RIGI: variants seen among roughly 807,000 people sequenced by gnomAD.
RIGI encodes the protein antiviral innate immune response receptor RIG-I.
chr9:32,487,920 A>C, the RIGI span: 2 of 1,611,142 alleles, frequency 1.2e-6, no homozygotes, highest in South Asian at 2.2e-5. Context: ...GCTCTTCTGA[A>C]GCATTCGTCT....
chr9:32,482,745 G>C, the RIGI span, among the ~76,000 whole-genome samples: 1 of 152,138 alleles, frequency 6.6e-6, no homozygotes, highest in African/African-American at 2.4e-5. Context: ...TGAAGTCCCA[G>C]CTACTTAGGA....
chr9:32,495,929 T>G, the RIGI span, among the ~76,000 whole-genome samples: 8 of 152,222 alleles, frequency 5.3e-5, no homozygotes, highest in Admixed American at 4.6e-4. Flanking sequence ...AGTGCTGGGA[T>G]TGCCTATTTT....
the RIGI span, among the ~76,000 whole-genome samples, chr9:32,510,047 T>A: frequency 6.6e-6 from 1 of 151,778 alleles, no homozygotes; most frequent in African/African-American, 2.4e-5. Flanking sequence ...AAAAAAAGAA[T>A]GAAAAGGAAT....
chr9:32,524,216 A>G, the RIGI span, among the ~76,000 whole-genome samples: 1 of 152,220 alleles, frequency 6.6e-6, no homozygotes, highest in Non-Finnish European at 1.5e-5. Context: ...TACTGTGCTC[A>G]TCATTGCTTC....
the RIGI span, among the ~76,000 whole-genome samples, chr9:32,486,989 G>T: frequency 6.6e-6 from 1 of 152,178 alleles, no homozygotes; most frequent in East Asian, 1.9e-4. Context: ...CAGGGTTAGT[G>T]TAATAATAAC....
At chr9:32,470,780 C>T in the RIGI span, among the ~76,000 whole-genome samples, 3 of 152,210 alleles carry the variant, frequency 2.0e-5, no homozygotes, top group Non-Finnish European at 2.9e-5. Flanking sequence ...AAAAGGTGTT[C>T]ACAATTCTTC....
chr9:32,494,780 CT>C, the RIGI span, among the ~76,000 whole-genome samples: 490 of 152,178 alleles, frequency 3.2e-3, 2 homozygotes, highest in African/African-American at 0.011. Flanking sequence ...CAATATTTGT[CT>C]TTTTGTGACT....
At chr9:32,462,551 G>GGT in the RIGI span, among the ~76,000 whole-genome samples, 1 of 151,892 alleles carries the variant, frequency 6.6e-6, no homozygotes, top group Admixed American at 6.6e-5. Flanking sequence ...TGGGATTACA[G>GGT]GCAGGTGCCA....
the RIGI span, among the ~76,000 whole-genome samples, chr9:32,499,018 A>C: frequency 1.3e-5 from 2 of 151,570 alleles, no homozygotes; most frequent in African/African-American, 2.4e-5. Flanking sequence ...TTTCCATTAA[A>C]TATCTTCTTT....
chr9:32,457,219 A>C, the RIGI span: 17 of 1,613,868 alleles, frequency 1.1e-5, no homozygotes, highest in Non-Finnish European at 1.4e-5. Flanking sequence ...AATATCCTCC[A>C]CCACAAAACT....
At chr9:32,464,260 G>T in the RIGI span, among the ~76,000 whole-genome samples, 1 of 152,006 alleles carries the variant, frequency 6.6e-6, no homozygotes, top group Non-Finnish European at 1.5e-5. Context: ...CAGGGACCAG[G>T]ATGCTCAAAC....
the RIGI span, among the ~76,000 whole-genome samples, chr9:32,489,047 T>A: frequency 6.6e-6 from 1 of 152,116 alleles, no homozygotes; most frequent in Non-Finnish European, 1.5e-5. Flanking sequence ...GACTAAAAAA[T>A]ATCAAGCTGC....
At chr9:32,487,629 A>G in the RIGI span, 110 of 1,614,006 alleles carry the variant, frequency 6.8e-5, no homozygotes, top group Non-Finnish European at 8.5e-5. Flanking sequence ...AGTCAGCCCA[A>G]TGACCTGTAA....
chr9:32,470,775 G>A, the RIGI span, among the ~76,000 whole-genome samples: 2 of 152,190 alleles, frequency 1.3e-5, no homozygotes, highest in East Asian at 3.8e-4. Context: ...GTAAAAAAAG[G>A]TGTTCACAAT....
chr9:32,513,328 A>G, the RIGI span, among the ~76,000 whole-genome samples: 1 of 152,218 alleles, frequency 6.6e-6, no homozygotes, highest in East Asian at 1.9e-4. Flanking sequence ...ACTATACTAC[A>G]AGGCTACAGT....
the RIGI span, among the ~76,000 whole-genome samples, chr9:32,478,061 T>C: frequency 9.9e-4 from 150 of 152,272 alleles, 1 homozygote; most frequent in African/African-American, 3.5e-3. Context: ...TTGTTTTTTT[T>C]CCTGAGATGG....
At chr9:32,524,924 G>A in the RIGI span, among the ~76,000 whole-genome samples, 1 of 147,250 alleles carries the variant, frequency 6.8e-6, no homozygotes, top group African/African-American at 2.5e-5. Flanking sequence ...TCCGCTGGAG[G>A]CTATATGATC....
chr9:32,465,165 A>G, the RIGI span, among the ~76,000 whole-genome samples: 1 of 152,250 alleles, frequency 6.6e-6, no homozygotes, highest in African/African-American at 2.4e-5. Context: ...TCCCATCCCC[A>G]GTAAAACTAA....
the RIGI span, chr9:32,481,337 T>C: frequency 1.9e-6 from 3 of 1,609,596 alleles, no homozygotes; most frequent in Middle Eastern, 1.7e-4. Context: ...AAGAGGAACG[T>C]ACCCGCAAAT....
Sources: allele counts gnomAD v4.1 joint callset (sites outside exome capture counted in the v4.1 genomes callset), GRCh38; gene constraint gnomAD v4.1.1; transcripts MANE v1.5; gene names NCBI Gene and HGNC (gene_info 2026-07-23, HGNC 2026-07-21).